Variants in LTN1 observed in about 807,000 individuals in gnomAD.
LTN1 encodes listerin E3 ubiquitin protein ligase 1, also known as E3 ubiquitin-protein ligase listerin.
A neutral mutation model predicts 201.2 loss-of-function variants in LTN1; 88 were observed. The observed-to-expected ratio is 0.44, with a 90% confidence interval of 0.37 to 0.52. The LOEUF is 0.52. Ranked by LOEUF, LTN1 falls within the 20% of genes least tolerant of loss-of-function variation. The pLI is 0.00. For missense variants in LTN1, 1,752 were observed against 2,038.7 expected (o/e 0.86, Z 2.71); for synonymous variants, 645 against 713.5 (o/e 0.90, Z 1.53).
rs769871536 is a variant in LTN1, at chr21:28,944,552, T to C, written c.3813A>G (p.Gln1271=). ...AATCACAGCTGACACAGGCAAACAGTTGCACAAGTGGAATAGAATACAATG... is the reference window on the plus strand; with the variant it reads ...AATCACAGCTGACACAGGCAAACAGCTGCACAAGTGGAATAGAATACAATG... ...NQALYSIPLV[Q]LFACVSCDLA... is the part of the protein sequence containing the mutation. The change falls in exon 22 of 30, where the codon CAA becomes CAG. Residue 1271 remains glutamine (Q), a synonymous_variant. Coordinates refer to ENST00000361371, the MANE Select transcript of LTN1 (RefSeq NM_015565.3). 4 of 1,613,944 alleles carry C rather than the reference T, an allele frequency of 2.5e-6. No individual in the cohort carries two copies. Among genetic ancestry groups the C allele is most frequent in the African/African-American group, 1.3e-5 (1 of 75,032 alleles).
At chr21:28,956,521 T>C (rs2084426833) in intron 16 of LTN1, among the ~76,000 whole-genome samples, 1 of 152,142 alleles carries the variant, frequency 6.6e-6, no homozygotes, top group African/African-American at 2.4e-5. Flanking sequence ...ACAGCCTGAG[T>C]AGCTAACACC....
intron 18 of LTN1, among the ~76,000 whole-genome samples, chr21:28,950,826 A>T (rs2084376268): frequency 6.6e-6 from 1 of 152,122 alleles, no homozygotes; most frequent in African/African-American, 2.4e-5. Flanking sequence ...TTCCATTTAT[A>T]AAATATTCTT....
chr21:28,960,926 T>C (rs2084473171), intron 11 of LTN1: 1 of 346,042 alleles, frequency 2.9e-6, no homozygotes, highest in African/African-American at 2.1e-5. Context: ...TTCCCAGCCA[T>C]AAATATTCCC....
intron 6 of LTN1, among the ~76,000 whole-genome samples, chr21:28,980,817 T>G (rs1307212762): frequency 6.6e-6 from 1 of 151,786 alleles, no homozygotes; most frequent in African/African-American, 2.4e-5. Context: ...AATGGAGAGA[T>G]AGACAAAAGG....
intron 25 of LTN1, among the ~76,000 whole-genome samples, chr21:28,937,838 T>C (rs1203904643): frequency 1.3e-5 from 2 of 152,112 alleles, no homozygotes; most frequent in Non-Finnish European, 2.9e-5. Flanking sequence ...GAAACACTAC[T>C]GGTCCCAGGC....
In LTN1 at chr21:28,977,813, A is replaced by G. The variant is rs184169838; in HGVS notation, c.810+3306T>C. ...CGTGGTGGTGGGCACCTGAGTGCCA[A>G]GCTACTCGGGAGGCTAAGGGAGGAG... On this transcript the variant is annotated intron_variant, in intron 6 of 29. Transcript: ENST00000361371. Among the ~76,000 whole-genome samples the G allele has an allele frequency of 9.8e-5, 15 of 152,290 alleles. No homozygotes were observed. In the East Asian group the frequency reaches 2.7e-3, roughly 27 times the overall value.
chr21:28,955,001 A>G (rs1473973917), intron 16 of LTN1, among the ~76,000 whole-genome samples: 4 of 152,218 alleles, frequency 2.6e-5, no homozygotes, highest in Non-Finnish European at 5.9e-5. Flanking sequence ...GACAATCTGT[A>G]GAATGGGAGA....
At chr21:28,960,453 C>A in intron 12 of LTN1, 64 bp downstream of exon 12, 3 of 1,290,688 alleles carry the variant, frequency 2.3e-6, no homozygotes, top group African/African-American at 1.5e-5. Flanking sequence ...GAGCCCCATG[C>A]AATCCCCCAC....
Position 28,951,884 on chromosome 21 carries a change from C to A in LTN1, c.3344+276G>T, listed in dbSNP as rs985151308. Among the ~76,000 whole-genome samples the A allele has an allele frequency of 1.2e-4, 19 of 152,062 alleles. 1 individual carries two copies. The highest frequency in any genetic ancestry group is 4.1e-4 in the African/African-American group (17 of 41,392). ...ACTCAGGAGGGTGTGGTGGGAGGATCACTTGACCACAGGAGGTTGAGGGTA... is the reference window on the plus strand; with the variant it reads ...ACTCAGGAGGGTGTGGTGGGAGGATAACTTGACCACAGGAGGTTGAGGGTA... On this transcript the variant is annotated intron_variant, in intron 18 of 29. Coordinates refer to ENST00000361371, the MANE Select transcript of LTN1 (RefSeq NM_015565.3).
rs1206091138 is a variant in LTN1 at position 28,943,916 on chromosome 21, A to C, written c.3983-12T>G. ...ATCTTTGTTTTCTCCTAATGACAAA[A>C]AGGAAAGAAACATGCACGTCTCAAA... On this transcript the variant is annotated splice_polypyrimidine_tract_variant and intron_variant, in intron 22 of 29. Coordinates refer to ENST00000361371, the MANE Select transcript of LTN1 (RefSeq NM_015565.3). The C allele has an allele frequency of 1.3e-6, 2 of 1,539,390 alleles. No individual in the cohort carries two copies. Among genetic ancestry groups the C allele is most frequent in the African/African-American group, 2.7e-5 (2 of 73,288 alleles).
Position 28,930,513 on chromosome 21 carries a change from G to C in LTN1, c.5239-3C>G. 6.2e-7 allele frequency: 1 copy of C among 1,605,132 alleles called. No homozygotes were observed. The highest frequency in any genetic ancestry group is 8.5e-7 in the Non-Finnish European group (1 of 1,173,850). On this transcript the variant is annotated splice_polypyrimidine_tract_variant and splice_region_variant and intron_variant, in intron 29 of 29. Coordinates refer to ENST00000361371, the MANE Select transcript of LTN1 (RefSeq NM_015565.3). Reference sequence around the variant, plus strand: ...TTGCTAGATGTAAACCATTTGTACTGAAAAAGAAAAGGTTTTAAATACTAA... The same window carrying C: ...TTGCTAGATGTAAACCATTTGTACTCAAAAAGAAAAGGTTTTAAATACTAA...
At chr21:28,970,233 A>G (rs2705646) in intron 8 of LTN1, among the ~76,000 whole-genome samples, 33,926 of 152,132 alleles carry the variant, frequency 0.22, 4,556 homozygotes, top group African/African-American at 0.37. Flanking sequence ...TCAACATAAA[A>G]AATAAAAAAT....
rs1237401389 is a variant in LTN1 at position 28,928,695 on chromosome 21, C to G, written c.*1753G>C. On this transcript the variant is annotated 3_prime_UTR_variant, in exon 30 of 30. Coordinates refer to ENST00000361371, the MANE Select transcript of LTN1 (RefSeq NM_015565.3). ...ATGAAGAACAGTTATTTAATTATAA[C>G]TACTTAATTATAGTGTTTCACCAAG... The G allele has an allele frequency of 3.9e-5, 6 of 152,036 alleles. No individual in the cohort carries two copies. The highest frequency in any genetic ancestry group is 8.8e-5 in the Non-Finnish European group (6 of 67,982). 9.4% of individuals were successfully genotyped at this position (152,036 alleles called of 1,614,324 possible).
Position 28,931,075 on chromosome 21 carries a change from GTGT to G in LTN1, c.5238+77_5238+79del, listed in dbSNP as rs2084207175. On this transcript the variant is annotated intron_variant, in intron 29 of 29. Transcript: ENST00000361371. Reference sequence around the variant, plus strand: ...AGTTAGACATTGTGTAGGTGTGTGTGTGTGTGTGTGTGTGTGTGTGTGTGTTTA... The same window carrying G: ...AGTTAGACATTGTGTAGGTGTGTGTGGTGTGTGTGTGTGTGTGTGTGTTTA... The G allele has an allele frequency of 3.8e-6, 3 of 790,086 alleles. No individual in the cohort carries two copies. In the East Asian group the frequency reaches 7.9e-5, roughly 21 times the overall value. The allele number at this position is 790,086 out of a possible 1,614,324, so 48.9% of individuals were successfully genotyped here. A position where few individuals can be genotyped will look rare whatever the true frequency, so the allele number is the denominator to read the frequency against.
chr21:28,981,452 G>A (rs2084658206), intron 5 of LTN1, among the ~76,000 whole-genome samples, 153 bp from the exon 6 acceptor site: 1 of 152,098 alleles, frequency 6.6e-6, no homozygotes, highest in Non-Finnish European at 1.5e-5. Flanking sequence ...CCCTCAAAAT[G>A]TAAACATACA....
chr21:28,981,981 G>A (rs565753267), intron 5 of LTN1, among the ~76,000 whole-genome samples: 31 of 152,302 alleles, frequency 2.0e-4, no homozygotes, highest in African/African-American at 7.5e-4. Context: ...TCGGGAGGCC[G>A]AGGCGGGTGG....
chr21:28,985,195 C>T (rs2084688143), intron 3 of LTN1, among the ~76,000 whole-genome samples: 1 of 152,172 alleles, frequency 6.6e-6, no homozygotes. Context: ...CCTGGTGGCT[C>T]GTGCCTATAA....
At chr21:28,945,153 G>A (rs1215657045) in intron 21 of LTN1, among the ~76,000 whole-genome samples, 5 of 152,056 alleles carry the variant, frequency 3.3e-5, no homozygotes, top group South Asian at 2.1e-4. Context: ...CCCAGAAGGC[G>A]GAGGTTGCAG....
In LTN1 at chr21:28,946,302, A is replaced by G. The variant is rs1299821541; in HGVS notation, c.3488-15T>C. ...TCCAAAACCTCCTAAAGTAAAATTCAAAATGAAAATTAAAAATATTTAAGA... is the reference window on the plus strand; with the variant it reads ...TCCAAAACCTCCTAAAGTAAAATTCGAAATGAAAATTAAAAATATTTAAGA... On this transcript the variant is annotated splice_polypyrimidine_tract_variant and intron_variant, in intron 19 of 29. Transcript: ENST00000361371. 6.5e-7 allele frequency: 1 copy of G among 1,528,112 alleles called. No homozygotes were observed. The highest frequency in any genetic ancestry group is 1.3e-5 in the South Asian group (1 of 77,644). The allele number at this position is 1,528,112 out of a possible 1,614,324, so 94.7% of individuals were successfully genotyped here.
Sources: gnomAD v4.1 joint callset for allele counts (sites outside exome capture counted in the v4.1 genomes callset) on GRCh38, gnomAD v4.1.1 for gene constraint, MANE v1.5 for transcripts, NCBI Gene and HGNC (gene_info 2026-07-23, HGNC 2026-07-21) for gene names.